SCYL2: variants seen among roughly 807,000 people sequenced by gnomAD.
SCYL2 encodes SCY1-like protein 2.
SCYL2 carries 36 observed loss-of-function variants against 100.4 expected under a neutral mutation model. The ratio of observed to expected loss-of-function variants is 0.36; its 90% CI spans 0.27 to 0.47. The LOEUF (loss-of-function observed/expected upper bound fraction) is 0.47, where lower values mean the gene tolerates loss of function less well. Ranked by LOEUF, SCYL2 falls within the 20% of genes least tolerant of loss-of-function variation. SCYL2 has a pLI of 1.00. For missense variants in SCYL2, 902 were observed against 1,083.9 expected, an observed-to-expected ratio of 0.83 and a Z score of 2.36; for synonymous variants, 330 against 359.2, an observed-to-expected ratio of 0.92 and a Z score of 0.92.
intron 13 of SCYL2, chr12:100,333,557 T>A (rs1312958118): frequency 6.6e-6 from 1 of 152,236 alleles, no homozygotes; most frequent in African/African-American, 2.4e-5. Flanking sequence ...TTTATGATGA[T>A]CCTGAATGAA....
At chr12:100,301,410 G>T (rs1205752264) in intron 4 of SCYL2, among the ~76,000 whole-genome samples, 1 of 152,018 alleles carries the variant, frequency 6.6e-6, no homozygotes, top group East Asian at 1.9e-4. Flanking sequence ...TCCCTTGTCA[G>T]ATGGGTCATT....
Position 100,291,709 on chromosome 12 carries a change from A to G in SCYL2, c.335+49A>G, listed in dbSNP as rs1200726386. 4.0e-6 allele frequency: 6 copies of G among 1,482,908 alleles called. No homozygotes were observed. The Admixed American group carries it at 1.2e-4, about 31-fold the overall frequency. The allele number at this position is 1,482,908 out of a possible 1,614,324, so 91.9% of individuals were successfully genotyped here. A position where few individuals can be genotyped will look rare whatever the true frequency, so the allele number is the denominator to read the frequency against. On this transcript the variant is annotated intron_variant, in intron 3 of 17. Transcript: ENST00000360820. Reference sequence around the variant, plus strand: ...TAGTAGACTTCCTGAACAAATAGTTAAAAATAATTTTATATTTGAAATCTG... The same window carrying G: ...TAGTAGACTTCCTGAACAAATAGTTGAAAATAATTTTATATTTGAAATCTG...
chr12:100,275,653 C>T (rs761641448), intron 1 of SCYL2, among the ~76,000 whole-genome samples: 15 of 152,096 alleles, frequency 9.9e-5, no homozygotes, highest in South Asian at 2.1e-4. Flanking sequence ...TCTTTGCAGT[C>T]CGAATGCCTT....
At chr12:100,284,762 C>T (rs1317959722) in intron 2 of SCYL2, among the ~76,000 whole-genome samples, 1 of 152,178 alleles carries the variant, frequency 6.6e-6, no homozygotes, top group Non-Finnish European at 1.5e-5. Context: ...CGCGCCCGGC[C>T]TAGTTTCTTT....
At chr12:100,323,461 T>C in intron 10 of SCYL2, 64 bp from the exon 11 acceptor site, 1 of 979,380 alleles carries the variant, frequency 1.0e-6, no homozygotes, top group Non-Finnish European at 1.6e-6. Context: ...ATGCAAAACT[T>C]TGTAATATCA....
At chr12:100,294,133 A>ACTCACCTCC (rs1475429965) in intron 3 of SCYL2, among the ~76,000 whole-genome samples, 1 of 144,938 alleles carries the variant, frequency 6.9e-6, no homozygotes, top group Non-Finnish European at 1.5e-5. Flanking sequence ...CACCTCCCGG[A>ACTCACCTCC]CGGGGCGGCT....
In SCYL2 at chr12:100,339,517, A is replaced by C; in HGVS notation, c.*345A>C. ...TGTGGATCTTGGTGTTATTTAAAAA[A>C]TTGAGGTGATGGTCATTGCAAGCTC... On this transcript the variant is annotated 3_prime_UTR_variant, in exon 18 of 18. Transcript: ENST00000360820. The C allele has an allele frequency of 3.8e-6, 1 of 261,678 alleles. No individual in the cohort carries two copies. Among genetic ancestry groups the C allele is most frequent in the East Asian group, 9.8e-5 (1 of 10,218 alleles). 16.2% of individuals were successfully genotyped at this position (261,678 alleles called of 1,614,324 possible).
At position 100,310,942 on chromosome 12, in the gene SCYL2, CTT is replaced by C. The variant is rs200709827; in HGVS notation, c.481-99_481-98del. 3.3e-4 allele frequency: 387 copies of C among 1,181,310 alleles called. 5 individuals carry two copies. In the East Asian group the frequency reaches 9.5e-3, roughly 29 times the overall value. The allele number at this position is 1,181,310 out of a possible 1,614,324, so 73.2% of individuals were successfully genotyped here. A position where few individuals can be genotyped will look rare whatever the true frequency, so the allele number is the denominator to read the frequency against. On this transcript the variant is annotated intron_variant, in intron 4 of 17. Transcript: ENST00000360820. ...TTTGATTTTTAGCTGACACGCAAAA[CTT>C]TTATTGTGAAGAGTAGCAATAATTA... is the stretch of plus-strand genomic sequence containing the variant.
rs1592954959 is a variant in SCYL2 at position 100,312,295 on chromosome 12, T to G, written c.631-137T>G. The stretch of plus-strand genomic sequence containing the variant: ...CATGGACTTTTTTACATTTGGGAAT[T>G]TGGGAATTTTGGGATTGAAGGCGTG... On this transcript the variant is annotated intron_variant, in intron 5 of 17. Coordinates refer to ENST00000360820, the MANE Select transcript of SCYL2 (RefSeq NM_017988.6). 1.0e-5 allele frequency: 7 copies of G among 681,742 alleles called. No homozygotes were observed. In the East Asian group the frequency reaches 1.9e-4, roughly 19 times the overall value. The allele number at this position is 681,742 out of a possible 1,614,324, so 42.2% of individuals were successfully genotyped here. A position where few individuals can be genotyped will look rare whatever the true frequency, so the allele number is the denominator to read the frequency against.
chr12:100,328,656 A>T (rs1952168985), intron 12 of SCYL2, among the ~76,000 whole-genome samples: 1 of 152,218 alleles, frequency 6.6e-6, no homozygotes, highest in Admixed American at 6.5e-5. Flanking sequence ...CTTTGTGGAT[A>T]GATGTAACAA....
In SCYL2 at chr12:100,281,559, C is replaced by T. The variant is rs538549124; in HGVS notation, c.-28-1384C>T. Among the ~76,000 whole-genome samples the T allele has an allele frequency of 6.4e-4, 98 of 152,098 alleles. No homozygotes were observed. The South Asian group carries it at 0.02, about 31-fold the overall frequency. ...ATAATAATAAAGAAAATAGGCTGGG[C>T]GCTTTGGCTCACGCCTGTAATCCCA... is the stretch of plus-strand genomic sequence containing the variant. On this transcript the variant is annotated intron_variant, in intron 1 of 17. Transcript: ENST00000360820.
intron 2 of SCYL2, among the ~76,000 whole-genome samples, chr12:100,285,495 C>T (rs898552601): frequency 2.6e-5 from 4 of 152,140 alleles, no homozygotes; most frequent in Non-Finnish European, 4.4e-5. Context: ...ATAATTTTTC[C>T]GGTGTGGTGC....
intron 1 of SCYL2, among the ~76,000 whole-genome samples, chr12:100,270,623 CTT>C (rs559329533): frequency 8.0e-5 from 10 of 125,684 alleles, no homozygotes; most frequent in Non-Finnish European, 6.8e-5. Flanking sequence ...ATGTTGCTTT[CTT>C]TTTTTTTTTT....
At chr12:100,336,413 T>TC (rs1388715960) in intron 16 of SCYL2, among the ~76,000 whole-genome samples, 4 of 151,768 alleles carry the variant, frequency 2.6e-5, no homozygotes, top group Non-Finnish European at 5.9e-5. Flanking sequence ...ACTTTTATAG[T>TC]CCATCAGATT....
chr12:100,294,134 C>T (rs1309489177), intron 3 of SCYL2, among the ~76,000 whole-genome samples: 27 of 140,076 alleles, frequency 1.9e-4, no homozygotes, highest in South Asian at 4.7e-4. Context: ...ACCTCCCGGA[C>T]GGGGCGGCTG....
Position 100,312,437 on chromosome 12 carries a change from A to T in SCYL2, c.636A>T (p.Lys212Asn). ...SSTNPSEQEP[K>N]FPCKEWDPNL... ...AATTCCTTTTCTTACTACAGCCTAA[A>T]TTTCCTTGTAAAGAATGGGACCCAA... The change falls in exon 6 of 18, where the codon AAA becomes AAT. Residue 212 changes from lysine (K) to asparagine (N), a missense_variant. Coordinates refer to ENST00000360820, the MANE Select transcript of SCYL2 (RefSeq NM_017988.6). 1 of 1,610,598 alleles carries T rather than the reference A, an allele frequency of 6.2e-7. No individual in the cohort carries two copies. The highest frequency in any genetic ancestry group is 8.5e-7 in the Non-Finnish European group (1 of 1,178,354).
At chr12:100,322,835 G>C (rs550969951) in intron 10 of SCYL2, among the ~76,000 whole-genome samples, 2 of 150,332 alleles carry the variant, frequency 1.3e-5, no homozygotes, top group South Asian at 4.2e-4. Flanking sequence ...ACTCCAGCCT[G>C]GGCAACAAGA....
At chr12:100,295,786 AG>A (rs2096319499) in intron 3 of SCYL2, among the ~76,000 whole-genome samples, 1 of 151,296 alleles carries the variant, frequency 6.6e-6, no homozygotes, top group East Asian at 2.0e-4. Flanking sequence ...AGGGAGAGGG[AG>A]AGGGAGAGGG....
intron 13 of SCYL2, among the ~76,000 whole-genome samples, chr12:100,332,648 A>T (rs1159563934): frequency 1.3e-5 from 2 of 152,038 alleles, no homozygotes; most frequent in Non-Finnish European, 2.9e-5. Context: ...GTGGAAAATG[A>T]CTGGAAGGGG....
Sources: gnomAD v4.1 joint callset for allele counts (sites outside exome capture counted in the v4.1 genomes callset) on GRCh38, gnomAD v4.1.1 for gene constraint, MANE v1.5 for transcripts, NCBI Gene and HGNC (gene_info 2026-07-23, HGNC 2026-07-21) for gene names.